Variants in KCNQ1OT1 observed in about 807,000 individuals in gnomAD.
KCNQ1OT1 encodes the protein KCNQ1 antisense RNA 2 (non-protein coding).
In KCNQ1OT1 at chr11:2,645,050, C is replaced by T. The variant is rs1849645772; in HGVS notation, n.54945G>A. The T allele has an allele frequency of 5.0e-6, 2 of 398,664 alleles. No homozygotes were observed. The highest frequency in any genetic ancestry group is 8.8e-6 in the Non-Finnish European group (2 of 226,226). 24.7% of individuals were successfully genotyped at this position (398,664 alleles called of 1,614,324 possible). On this transcript the variant is annotated non_coding_transcript_exon_variant, in exon 1 of 1. Coordinates refer to ENST00000597346, the Ensembl canonical transcript of KCNQ1OT1. The surrounding 1 kb of genome is among the most constrained non-coding windows in gnomAD (Gnocchi z 5.8). ...GGCCTCCAGGCAACTTGCTCAGGTGCCAATGATGACAGAGCTGGGCCACAG... is the reference window on the plus strand; with the variant it reads ...GGCCTCCAGGCAACTTGCTCAGGTGTCAATGATGACAGAGCTGGGCCACAG...
chr11:2,686,088 A>G (rs1288547514), exon 1 of KCNQ1OT1: 2 of 398,746 alleles, frequency 5.0e-6, no homozygotes, highest in Non-Finnish European at 8.8e-6. Flanking sequence ...AGCATTGAGT[A>G]GGCCTGAGTT....
At chr11:2,618,991 A>G in exon 1 of KCNQ1OT1, 1 of 398,350 alleles carries the variant, frequency 2.5e-6, no homozygotes, top group Non-Finnish European at 4.4e-6. Context: ...TTATTTGTGT[A>G]TAGAAATGCA....
At chr11:2,662,262 A>G in exon 1 of KCNQ1OT1, 1 of 680,036 alleles carries the variant, frequency 1.5e-6, no homozygotes, top group East Asian at 2.7e-5. Flanking sequence ...GAGCAAGGGC[A>G]CTTCCCACTG....
Position 2,645,233 on chromosome 11 carries a change from C to T in KCNQ1OT1, n.54762G>A. 5.0e-6 allele frequency: 2 copies of T among 398,630 alleles called. No individual in the cohort carries two copies. Among genetic ancestry groups the T allele is most frequent in the Non-Finnish European group, 8.8e-6 (2 of 226,152 alleles). 24.7% of individuals were successfully genotyped at this position (398,630 alleles called of 1,614,324 possible). Reference sequence around the variant, plus strand: ...TCCCAAGGCCCACAGGTGGCAAATTCAAGTGAATGCCAGTTGTGGTGGTAA... The same window carrying T: ...TCCCAAGGCCCACAGGTGGCAAATTTAAGTGAATGCCAGTTGTGGTGGTAA... On this transcript the variant is annotated non_coding_transcript_exon_variant, in exon 1 of 1. Transcript: ENST00000597346. This position sits in a 1 kb window ranked among gnomAD's most constrained non-coding sequence, Gnocchi z 5.8.
chr11:2,630,469 T>C lies in KCNQ1OT1; in HGVS notation n.69526A>G, dbSNP rs1849335358. The C allele has an allele frequency of 7.5e-6, 3 of 398,382 alleles. No individual in the cohort carries two copies. In the East Asian group the frequency reaches 1.1e-4, roughly 14 times the overall value. 24.7% of individuals were successfully genotyped at this position (398,382 alleles called of 1,614,324 possible). On this transcript the variant is annotated non_coding_transcript_exon_variant, in exon 1 of 1. Transcript: ENST00000597346. ...TCCCTCTTTGTTTGGGGGGAATATTTTGATCTTATACTTCCCCCGCTACAT... is the reference window on the plus strand; with the variant it reads ...TCCCTCTTTGTTTGGGGGGAATATTCTGATCTTATACTTCCCCCGCTACAT...
exon 1 of KCNQ1OT1, chr11:2,629,666 C>G (rs1849320916): frequency 2.5e-6 from 1 of 398,354 alleles, no homozygotes; most frequent in East Asian, 3.6e-5. Context: ...TTTGGGAGCT[C>G]TCTATTCTTT....
chr11:2,610,528 C>T (rs117893171), exon 1 of KCNQ1OT1: 4,995 of 398,354 alleles, frequency 0.013, 34 homozygotes, highest in Non-Finnish European at 0.018. Flanking sequence ...CTATTTACCT[C>T]CTTGCTCTTT....
At chr11:2,656,332 T>C (rs528862818) in exon 1 of KCNQ1OT1, 46 of 398,524 alleles carry the variant, frequency 1.2e-4, no homozygotes, top group Non-Finnish European at 1.9e-4. Context: ...GACCTGTGGG[T>C]CTCCAAATCT....
exon 1 of KCNQ1OT1, chr11:2,638,869 G>A (rs1173871214): frequency 2.6e-5 from 4 of 152,120 alleles, no homozygotes; most frequent in Non-Finnish European, 4.4e-5. Context: ...TGTAGATTTG[G>A]TCTTTTCACA....
At chr11:2,614,564 G>A (rs1849030263) in exon 1 of KCNQ1OT1, 1 of 398,362 alleles carries the variant, frequency 2.5e-6, no homozygotes, top group Non-Finnish European at 4.4e-6. Flanking sequence ...TATATGCTAT[G>A]AGTTATGGGT....
At position 2,645,026 on chromosome 11, in the gene KCNQ1OT1, G is replaced by A; in HGVS notation, n.54969C>T. On this transcript the variant is annotated non_coding_transcript_exon_variant, in exon 1 of 1. Coordinates refer to ENST00000597346, the Ensembl canonical transcript of KCNQ1OT1. This position sits in a 1 kb window ranked among gnomAD's most constrained non-coding sequence, Gnocchi z 5.8. ...GCAAGTCCAGGGAAACCAATTTTGG[G>A]CCTCCAGGCAACTTGCTCAGGTGCC... The A allele has an allele frequency of 2.5e-6, 1 of 398,744 alleles. No individual in the cohort carries two copies. Among genetic ancestry groups the A allele is most frequent in the South Asian group, 1.3e-4 (1 of 7,852 alleles). 24.7% of individuals were successfully genotyped at this position (398,744 alleles called of 1,614,324 possible). A position where few individuals can be genotyped will look rare whatever the true frequency, so the allele number is the denominator to read the frequency against.
chr11:2,687,156 C>T lies in KCNQ1OT1; in HGVS notation n.12839G>A, dbSNP rs1251394675. ...GGGAGGAATCTGAGCCAGCTTCCTC[C>T]ACAAAGCACAGAAGTCTGCCAAAAG... On this transcript the variant is annotated non_coding_transcript_exon_variant, in exon 1 of 1. Coordinates refer to ENST00000597346, the Ensembl canonical transcript of KCNQ1OT1. This position sits in a 1 kb window ranked among gnomAD's most constrained non-coding sequence, Gnocchi z 5.0. 5.0e-6 allele frequency: 2 copies of T among 398,476 alleles called. No individual in the cohort carries two copies. The highest frequency in any genetic ancestry group is 4.4e-5 in the Admixed American group (1 of 22,712). 24.7% of individuals were successfully genotyped at this position (398,476 alleles called of 1,614,324 possible).
At chr11:2,648,931 T>G (rs1481541231) in exon 1 of KCNQ1OT1, 1 of 398,048 alleles carries the variant, frequency 2.5e-6, no homozygotes, top group Non-Finnish European at 4.4e-6. Flanking sequence ...CTTGCTGAAT[T>G]GATCCATTTA....
chr11:2,627,120 T>C lies in KCNQ1OT1; in HGVS notation n.72875A>G. The C allele has an allele frequency of 2.5e-6, 1 of 398,590 alleles. No individual in the cohort carries two copies. Among genetic ancestry groups the C allele is most frequent in the Non-Finnish European group, 4.4e-6 (1 of 226,048 alleles). 24.7% of individuals were successfully genotyped at this position (398,590 alleles called of 1,614,324 possible). ...CAGCATTGTTTTGTAATTTTCATTG[T>C]ACAAGACTTTCACCTCCTTGGTAAA... On this transcript the variant is annotated non_coding_transcript_exon_variant, in exon 1 of 1. Coordinates refer to ENST00000597346, the Ensembl canonical transcript of KCNQ1OT1. The surrounding 1 kb of genome is among the most constrained non-coding windows in gnomAD (Gnocchi z 4.9).
rs138442776 is a variant in KCNQ1OT1 at position 2,699,690 on chromosome 11, G to A, written n.305C>T. 1,169 of 351,838 alleles carry A rather than the reference G, an allele frequency of 3.3e-3. 1 individual carries two copies. The highest frequency in any genetic ancestry group is 5.0e-3 in the Non-Finnish European group (988 of 198,092). The allele number at this position is 351,838 out of a possible 1,614,324, so 21.8% of individuals were successfully genotyped here. ...GGGAGAACCGCGCCGAAAAGCCCCG[G>A]GTGCCCCGAGGAGAACGGCGCCGAG... On this transcript the variant is annotated non_coding_transcript_exon_variant, in exon 1 of 1. Transcript: ENST00000597346.
chr11:2,665,986 G>A, exon 1 of KCNQ1OT1: 1 of 398,674 alleles, frequency 2.5e-6, no homozygotes, highest in Non-Finnish European at 4.4e-6. Context: ...AAGCCAGCCA[G>A]GACTGGCCTG....
Position 2,649,226 on chromosome 11 carries a change from T to C in KCNQ1OT1, n.50769A>G, listed in dbSNP as rs1849719547. The C allele has an allele frequency of 7.8e-5, 31 of 398,416 alleles. No individual in the cohort carries two copies. The East Asian group carries it at 1.1e-3, about 14-fold the overall frequency. The allele number at this position is 398,416 out of a possible 1,614,324, so 24.7% of individuals were successfully genotyped here. On this transcript the variant is annotated non_coding_transcript_exon_variant, in exon 1 of 1. Coordinates refer to ENST00000597346, the Ensembl canonical transcript of KCNQ1OT1. ...TACCTACATTCAAGATTGTTATCAA[T>C]AGGTGAGGACTTACTCCTGTCATTT...
rs1417602027 is a variant in KCNQ1OT1 at position 2,673,054 on chromosome 11, C to G, written n.26941G>C. The G allele has an allele frequency of 2.5e-6, 1 of 398,700 alleles. No homozygotes were observed. Among genetic ancestry groups the G allele is most frequent in the African/African-American group, 2.1e-5 (1 of 48,648 alleles). 24.7% of individuals were successfully genotyped at this position (398,700 alleles called of 1,614,324 possible). On this transcript the variant is annotated non_coding_transcript_exon_variant, in exon 1 of 1. Transcript: ENST00000597346. This position sits in a 1 kb window ranked among gnomAD's most constrained non-coding sequence, Gnocchi z 4.5. Reference sequence around the variant, plus strand: ...AGGGTCTAGGGCTGGCCAAAAGGGACAGTGAAGTTGGCTTCTCAGGCCACA... The same window carrying G: ...AGGGTCTAGGGCTGGCCAAAAGGGAGAGTGAAGTTGGCTTCTCAGGCCACA...
chr11:2,610,088 A>G (rs1011080857), exon 1 of KCNQ1OT1: 3 of 397,444 alleles, frequency 7.5e-6, no homozygotes, highest in East Asian at 3.6e-5. Flanking sequence ...TTGTTCCTCT[A>G]TTTCTCCTTT....
Sources: gnomAD v4.1 joint callset for allele counts on GRCh38, gnomAD v4.1.1 for gene constraint, Gnocchi (gnomAD v3.1) non-coding constraint, MANE v1.5 for transcripts, NCBI Gene and HGNC (gene_info 2026-07-23, HGNC 2026-07-21) for gene names.